Variants in PVT1 observed in about 807,000 individuals in gnomAD.
PVT1 encodes CXCR4/PVT1 fusion.
chr8:127,960,692 CTG>C, intron 3 of PVT1: 1 of 523,002 alleles, frequency 1.9e-6, no homozygotes, highest in Non-Finnish European at 3.9e-6. Flanking sequence ...GTTCTGGAGT[CTG>C]TCTCCATTTT....
chr8:127,838,986 G>A (rs141297755), intron 2 of PVT1, among the ~76,000 whole-genome samples: 58 of 152,258 alleles, frequency 3.8e-4, no homozygotes, highest in Non-Finnish European at 7.5e-4. Flanking sequence ...TGACTCCGAT[G>A]TTCAGTACAG....
chr8:127,829,360 G>A (rs1171560169), intron 2 of PVT1, among the ~76,000 whole-genome samples: 6 of 152,182 alleles, frequency 3.9e-5, no homozygotes, highest in Non-Finnish European at 5.9e-5. Flanking sequence ...GGGTGGTCCT[G>A]TACATGACAG....
intron 3 of PVT1, among the ~76,000 whole-genome samples, chr8:127,980,037 A>T (rs564044689): frequency 6.9e-6 from 1 of 145,316 alleles, no homozygotes; most frequent in South Asian, 2.2e-4. Context: ...ATACCACAGC[A>T]TCCGGCTAAT....
chr8:127,840,609 T>C (rs777858412), intron 2 of PVT1, among the ~76,000 whole-genome samples: 16 of 152,258 alleles, frequency 1.1e-4, no homozygotes, highest in Non-Finnish European at 2.2e-4. Flanking sequence ...AGGAGACCTG[T>C]GCTGGCAGCC....
At chr8:127,855,875 C>A (rs1815154799) in intron 2 of PVT1, among the ~76,000 whole-genome samples, 1 of 152,226 alleles carries the variant, frequency 6.6e-6, no homozygotes, top group South Asian at 2.1e-4. Context: ...GGCCCCACAC[C>A]TGTGCAGCCG....
intron 4 of PVT1, among the ~76,000 whole-genome samples, chr8:128,069,667 A>G (rs1411245943): frequency 6.6e-6 from 1 of 152,072 alleles, no homozygotes; most frequent in Non-Finnish European, 1.5e-5. Context: ...ATCTCCCCAC[A>G]CTATCTCCTT....
At chr8:127,850,603 T>G (rs1158289530) in intron 2 of PVT1, among the ~76,000 whole-genome samples, 1 of 152,224 alleles carries the variant, frequency 6.6e-6, no homozygotes, top group South Asian at 2.1e-4. Context: ...CTGACATAAT[T>G]GGTGTCTGCA....
At chr8:128,100,095 T>TTCCC (rs1280732927) in intron 6 of PVT1, among the ~76,000 whole-genome samples, 1 of 150,316 alleles carries the variant, frequency 6.7e-6, no homozygotes, top group Non-Finnish European at 1.5e-5. Context: ...TAAATTCTCC[T>TTCCC]TCCCTCCCTC....
At chr8:127,924,049 G>C (rs1816096622) in intron 3 of PVT1, among the ~76,000 whole-genome samples, 1 of 152,184 alleles carries the variant, frequency 6.6e-6, no homozygotes, top group Non-Finnish European at 1.5e-5. Context: ...TGGAGGCCGG[G>C]GGTCAGAGAT....
chr8:127,964,527 G>A (rs1034946643), intron 3 of PVT1, among the ~76,000 whole-genome samples: 1 of 152,110 alleles, frequency 6.6e-6, no homozygotes, highest in Non-Finnish European at 1.5e-5. Flanking sequence ...AACAAATTTC[G>A]ACAGATTTGG....
At position 127,916,717 on chromosome 8, in the gene PVT1, G is replaced by A. The variant is rs187305275; in HGVS notation, n.782+25719G>A. On this transcript the variant is annotated intron_variant and non_coding_transcript_variant, in intron 3 of 10. Transcript: ENST00000651587. ...TCCAGGTGAGAAGCAGGGAGAACTG[G>A]CCTTCCTGGTGGGAAGTTGTGGGCC... is the stretch of plus-strand genomic sequence containing the variant. Among the ~76,000 whole-genome samples, 26 of 152,292 alleles carry A rather than the reference G, an allele frequency of 1.7e-4. No homozygotes were observed. The East Asian group carries it at 4.8e-3, about 28-fold the overall frequency.
intron 3 of PVT1, among the ~76,000 whole-genome samples, chr8:127,961,419 T>C (rs7004509): frequency 2.0e-5 from 3 of 151,958 alleles, no homozygotes; most frequent in Non-Finnish European, 4.4e-5. Flanking sequence ...TGTTCTTTTC[T>C]GTGTCCAGCT....
At chr8:127,931,386 A>G (rs1816204523) in intron 3 of PVT1, among the ~76,000 whole-genome samples, 1 of 152,144 alleles carries the variant, frequency 6.6e-6, no homozygotes, top group African/African-American at 2.4e-5. Context: ...TATTTTACTT[A>G]TTCCATTTCC....
At chr8:127,922,748 G>A (rs1816077711) in intron 3 of PVT1, among the ~76,000 whole-genome samples, 1 of 152,234 alleles carries the variant, frequency 6.6e-6, no homozygotes, top group South Asian at 2.1e-4. Flanking sequence ...GACAGGATCT[G>A]TCACCATTAC....
Position 128,073,802 on chromosome 8 carries a change from CT to C in PVT1, n.1114+3456del, listed in dbSNP as rs79686805. Among the ~76,000 whole-genome samples, 845 of 137,810 alleles carry C rather than the reference CT, an allele frequency of 6.1e-3. 2 individuals are homozygous for C. The highest frequency in any genetic ancestry group is 0.012 in the African/African-American group (459 of 37,686). 90.4% of individuals were successfully genotyped at this position (137,810 alleles called of 152,430 possible). On this transcript the variant is annotated intron_variant and non_coding_transcript_variant, in intron 5 of 10. Transcript: ENST00000651587. ...GTGAGAATAACAACAATTTTTTTTTCTTTTTTTTTTTTTTTAAGATGAGAAA... is the reference window on the plus strand; with the variant it reads ...GTGAGAATAACAACAATTTTTTTTTCTTTTTTTTTTTTTTAAGATGAGAAA...
intron 2 of PVT1, among the ~76,000 whole-genome samples, chr8:127,850,423 G>A (rs1235571624): frequency 6.6e-6 from 1 of 152,128 alleles, no homozygotes; most frequent in Non-Finnish European, 1.5e-5. Flanking sequence ...TTGCACTTTT[G>A]GTTATGATGC....
intron 4 of PVT1, among the ~76,000 whole-genome samples, chr8:128,034,310 C>T (rs1261344802): frequency 6.6e-6 from 1 of 152,198 alleles, no homozygotes; most frequent in Non-Finnish European, 1.5e-5. Context: ...TCTGCAAGGA[C>T]TGGTATTCTC....
intron 4 of PVT1, among the ~76,000 whole-genome samples, chr8:128,066,596 GC>G (rs957633560): frequency 3.3e-5 from 5 of 152,210 alleles, no homozygotes; most frequent in African/African-American, 9.7e-5. Context: ...GGTTTTCTTG[GC>G]CCTGAATGGG....
chr8:128,074,479 T>A (rs574356531), intron 5 of PVT1, among the ~76,000 whole-genome samples: 1 of 144,796 alleles, frequency 6.9e-6, no homozygotes, highest in African/African-American at 2.6e-5. Context: ...GCCGAGATCA[T>A]GCCACAGCAC....
Sources: allele counts gnomAD v4.1 joint callset (sites outside exome capture counted in the v4.1 genomes callset), GRCh38; gene constraint gnomAD v4.1.1; transcripts MANE v1.5; gene names NCBI Gene and HGNC (gene_info 2026-07-23, HGNC 2026-07-21).